Variants in PMFBP1 observed in about 807,000 individuals in gnomAD.
PMFBP1 encodes the protein polyamine modulated factor 1 binding protein 1.
A neutral mutation model predicts 137.8 loss-of-function variants in PMFBP1; 131 were observed. The ratio of observed to expected loss-of-function variants is 0.95; its 90% CI spans 0.82 to 1.10. The LOEUF (loss-of-function observed/expected upper bound fraction) is 1.10. Ranked by LOEUF, PMFBP1 falls within the 50% of genes least tolerant of loss-of-function variation. The pLI, the probability that PMFBP1 is intolerant of heterozygous loss-of-function variation, is 0.00. For missense variants in PMFBP1, 1,199 were observed against 1,175.4 expected (o/e 1.02, Z -0.29); for synonymous variants, 490 against 450.4 (o/e 1.09, Z -1.11).
intron 2 of PMFBP1, among the ~76,000 whole-genome samples, chr16:72,166,695 A>G (rs1157244397): frequency 6.6e-6 from 1 of 152,216 alleles, no homozygotes; most frequent in African/African-American, 2.4e-5. Context: ...AAACTCTGGA[A>G]TATGAGCTAC....
chr16:72,187,413 ATAT>A, the PMFBP1 span, among the ~76,000 whole-genome samples: 1 of 152,050 alleles, frequency 6.6e-6, no homozygotes, highest in Non-Finnish European at 1.5e-5. Context: ...TGTCTACATG[ATAT>A]TATCTAATAT....
chr16:72,201,934 A>G, the PMFBP1 span, among the ~76,000 whole-genome samples: 1 of 152,156 alleles, frequency 6.6e-6, no homozygotes. Flanking sequence ...TCCTCCACCA[A>G]ACTGAAGTAA....
At chr16:72,123,079 G>T in intron 18 of PMFBP1, 91 bp from the exon 19 acceptor site, 1 of 1,169,754 alleles carries the variant, frequency 8.5e-7, no homozygotes, top group Non-Finnish European at 1.2e-6. Context: ...TGGGTTCTCA[G>T]CAAGACTGCT....
At chr16:72,153,206 C>T (rs1291730489) in intron 4 of PMFBP1, among the ~76,000 whole-genome samples, 1 of 152,212 alleles carries the variant, frequency 6.6e-6, no homozygotes, top group Non-Finnish European at 1.5e-5. Flanking sequence ...CAGGCTAAGT[C>T]ATAGATTATA....
the PMFBP1 span, among the ~76,000 whole-genome samples, chr16:72,212,849 T>C: frequency 6.6e-6 from 1 of 152,206 alleles, no homozygotes; most frequent in African/African-American, 2.4e-5. Context: ...ACAGGTCACT[T>C]ACAGTCGAAT....
chr16:72,167,111 A>G (rs959476478), intron 2 of PMFBP1, among the ~76,000 whole-genome samples: 2 of 152,216 alleles, frequency 1.3e-5, no homozygotes, highest in East Asian at 3.8e-4. Context: ...TGATATGGAC[A>G]TCGTAAATCA....
intron 3 of PMFBP1, among the ~76,000 whole-genome samples, chr16:72,158,497 T>C (rs2043014628): frequency 6.6e-6 from 1 of 152,110 alleles, no homozygotes; most frequent in African/African-American, 2.4e-5. Flanking sequence ...CATGTATGTG[T>C]GTGTACATGC....
the PMFBP1 span, among the ~76,000 whole-genome samples, chr16:72,234,420 T>G: frequency 2.0e-5 from 3 of 152,244 alleles, no homozygotes; most frequent in Middle Eastern, 3.4e-3. Context: ...AGTTGACCTA[T>G]TCTCATTATG....
At chr16:72,166,525 G>T (rs1281182058) in intron 2 of PMFBP1, among the ~76,000 whole-genome samples, 1 of 152,190 alleles carries the variant, frequency 6.6e-6, no homozygotes, top group Non-Finnish European at 1.5e-5. Flanking sequence ...AGATTACCAA[G>T]AGGGTTCTTA....
the PMFBP1 span, among the ~76,000 whole-genome samples, chr16:72,219,242 A>G: frequency 6.6e-6 from 1 of 152,120 alleles, no homozygotes; most frequent in African/African-American, 2.4e-5. Flanking sequence ...TTATTCAAGG[A>G]GGAGAGAATC....
intron 19 of PMFBP1, 146 bp from the exon 20 acceptor site, chr16:72,120,235 AG>A: frequency 7.5e-7 from 1 of 1,337,840 alleles, no homozygotes. Flanking sequence ...CATGCTCTGT[AG>A]AAATGGAAGC....
intron 5 of PMFBP1, among the ~76,000 whole-genome samples, chr16:72,143,469 G>A (rs748691674): frequency 2.6e-5 from 4 of 152,228 alleles, no homozygotes; most frequent in Non-Finnish European, 2.9e-5. Context: ...TAGGCCGGGC[G>A]TGGTGGCTTG....
At chr16:72,126,471 A>T (rs943094389) in intron 14 of PMFBP1, among the ~76,000 whole-genome samples, 15 of 152,248 alleles carry the variant, frequency 9.9e-5, no homozygotes, top group Admixed American at 9.2e-4. Flanking sequence ...ATTTGAGGTT[A>T]GTGGACATGA....
chr16:72,159,811 T>TTA (rs3833837), intron 3 of PMFBP1, among the ~76,000 whole-genome samples: 36 of 150,238 alleles, frequency 2.4e-4, no homozygotes, highest in African/African-American at 5.8e-4. Flanking sequence ...TTTTTTTTTT[T>TTA]AAAACATTCT....
the PMFBP1 span, among the ~76,000 whole-genome samples, chr16:72,226,552 A>T: frequency 6.6e-6 from 1 of 152,208 alleles, no homozygotes; most frequent in Non-Finnish European, 1.5e-5. Context: ...ACACATTGCC[A>T]AAAGCTTCCA....
chr16:72,163,145 TAACTTTGG>T (rs2043088912), intron 3 of PMFBP1, among the ~76,000 whole-genome samples: 1 of 152,234 alleles, frequency 6.6e-6, no homozygotes, highest in Non-Finnish European at 1.5e-5. Context: ...TCCCAGAGGC[TAACTTTGG>T]GTGTCCAGCA....
At chr16:72,155,495 C>T (rs747491318) in intron 3 of PMFBP1, among the ~76,000 whole-genome samples, 2 of 152,138 alleles carry the variant, frequency 1.3e-5, no homozygotes, top group Non-Finnish European at 2.9e-5. Context: ...ATTATAAACT[C>T]CTGGAGGGCA....
chr16:72,124,631 T>C (rs1176663070), intron 17 of PMFBP1, 136 bp downstream of exon 17: 1 of 1,065,630 alleles, frequency 9.4e-7, no homozygotes, highest in Non-Finnish European at 1.4e-6. Context: ...TCTTGCTTTG[T>C]GCTAAATGGA....
At chr16:72,199,165 T>A in the PMFBP1 span, among the ~76,000 whole-genome samples, 2 of 152,190 alleles carry the variant, frequency 1.3e-5, no homozygotes, top group Non-Finnish European at 2.9e-5. Flanking sequence ...GTTCAGGTGT[T>A]GTCAGCAGTC....
Sources: allele counts gnomAD v4.1 joint callset (sites outside exome capture counted in the v4.1 genomes callset), GRCh38; gene constraint gnomAD v4.1.1; transcripts MANE v1.5; gene names NCBI Gene and HGNC (gene_info 2026-07-23, HGNC 2026-07-21).